Variants in SEH1L observed in about 807,000 individuals in gnomAD.
The protein encoded by SEH1L is SEH1 like nucleoporin.
SEH1L carries 18 observed loss-of-function variants against 49.5 expected under a neutral mutation model. The observed-to-expected ratio is 0.36, with a 90% CI of 0.25 to 0.54. SEH1L has a LOEUF of 0.54. Among genes scored for constraint, SEH1L ranks in the 20% least tolerant of loss-of-function variants. The pLI, the probability that SEH1L is intolerant of heterozygous loss-of-function variation, is 0.87. For missense variants in SEH1L, 404 were observed against 528.8 expected, an observed-to-expected ratio of 0.76 and a Z score of 2.31; for synonymous variants, 169 against 178.1, an observed-to-expected ratio of 0.95 and a Z score of 0.41.
At chr18:12,966,059 TC>T (rs1339791058) in intron 4 of SEH1L, among the ~76,000 whole-genome samples, 1 of 151,404 alleles carries the variant, frequency 6.6e-6, no homozygotes, top group Non-Finnish European at 1.5e-5. Context: ...ATCTTACTTA[TC>T]ACTTACCATT....
intron 4 of SEH1L, among the ~76,000 whole-genome samples, chr18:12,969,569 T>G (rs2031606071): frequency 2.0e-5 from 3 of 151,686 alleles, no homozygotes; most frequent in South Asian, 4.2e-4. Context: ...GTGCCTGTAA[T>G]CCCAGCCACT....
At chr18:12,980,414 G>A (rs1345330845) in intron 6 of SEH1L, among the ~76,000 whole-genome samples, 1 of 85,452 alleles carries the variant, frequency 1.2e-5, no homozygotes, top group Non-Finnish European at 2.3e-5. Context: ...CTGGCCGGGC[G>A]GGGGGCTGAC....
intron 6 of SEH1L, among the ~76,000 whole-genome samples, chr18:12,981,152 C>G (rs530946920): frequency 6.6e-6 from 1 of 151,826 alleles, no homozygotes; most frequent in Non-Finnish European, 1.5e-5. Flanking sequence ...GATGGGCGGC[C>G]GGGCAGAGAC....
At chr18:12,977,552 C>T (rs1364032680) in intron 5 of SEH1L, 1 of 152,138 alleles carries the variant, frequency 6.6e-6, no homozygotes, top group Non-Finnish European at 1.5e-5. Flanking sequence ...TGGTGAAACC[C>T]TGTCTCTACT....
chr18:12,973,429 A>G (rs2031785401), intron 5 of SEH1L: 2 of 151,750 alleles, frequency 1.3e-5, no homozygotes, highest in Admixed American at 6.6e-5. Context: ...CCTCCTGAAT[A>G]GCTGGGATTA....
At chr18:12,986,405 T>C (rs900461866) in intron 8 of SEH1L, 142 of 985,542 alleles carry the variant, frequency 1.4e-4, no homozygotes, top group Non-Finnish European at 1.7e-4. Context: ...AGCCATACTA[T>C]GTGTATTCCC....
intron 6 of SEH1L, 73 bp from the exon 7 acceptor site, chr18:12,982,445 A>G: frequency 3.7e-6 from 4 of 1,071,026 alleles, no homozygotes; most frequent in South Asian, 1.6e-5. Flanking sequence ...GTGTGTATAT[A>G]TATATGTGTG....
At chr18:12,981,022 G>C (rs1437954905) in intron 6 of SEH1L, among the ~76,000 whole-genome samples, 1 of 150,448 alleles carries the variant, frequency 6.6e-6, no homozygotes, top group African/African-American at 2.4e-5. Flanking sequence ...TCACTTCTCA[G>C]ACGGTGTGGC....
At chr18:12,977,915 G>A (rs62095800) in intron 5 of SEH1L, 7,941 of 152,122 alleles carry the variant, frequency 0.052, 311 homozygotes, top group East Asian at 0.17. Flanking sequence ...TGCAACCTCC[G>A]CCTCCTGGGC....
intron 6 of SEH1L, among the ~76,000 whole-genome samples, chr18:12,980,691 G>A (rs1433074593): frequency 7.8e-6 from 1 of 127,458 alleles, no homozygotes; most frequent in Non-Finnish European, 1.7e-5. Flanking sequence ...GCAGGGCGGG[G>A]GGCTGACACC....
chr18:12,963,127 A>G (rs775973024), intron 3 of SEH1L, 33 bp from the exon 4 acceptor site: 1 of 1,484,438 alleles, frequency 6.7e-7, no homozygotes, highest in Non-Finnish European at 9.2e-7. Context: ...TTCTTTTTGT[A>G]TATAATTTAA....
chr18:12,978,971 G>T (rs1023906791), intron 6 of SEH1L, 79 bp downstream of exon 6: 5 of 1,324,254 alleles, frequency 3.8e-6, no homozygotes, highest in African/African-American at 2.9e-5. Flanking sequence ...GAGAGTAGAG[G>T]TAACTATGAT....
chr18:12,971,908 G>GA (rs1444153150), intron 5 of SEH1L: 1 of 152,276 alleles, frequency 6.6e-6, no homozygotes, highest in East Asian at 1.9e-4. Flanking sequence ...GAGCAAGAGA[G>GA]AGGGAGTATA....
rs536849817 is a variant in SEH1L, at chr18:12,952,477, C to T, written c.162+572C>T. 1.2e-4 allele frequency among the ~76,000 whole-genome samples: 18 copies of T among 152,158 alleles called. No homozygotes were observed. In the Middle Eastern group the frequency reaches 0.01, roughly 86 times the overall value. On this transcript the variant is annotated intron_variant, in intron 2 of 8. Transcript: ENST00000399892. The stretch of plus-strand genomic sequence containing the variant: ...CAAACTCCTGACCTCAGGTGATCCT[C>T]CCTCGGCCTCCCAAAGTGCTGGGTT...
intron 7 of SEH1L, chr18:12,982,966 C>T (rs1451152733): frequency 1.0e-5 from 2 of 198,354 alleles, no homozygotes; most frequent in East Asian, 2.6e-4. Flanking sequence ...CCTTACATGA[C>T]TGCTCTACAA....
chr18:12,981,802 G>T, intron 6 of SEH1L, among the ~76,000 whole-genome samples: 1 of 136,908 alleles, frequency 7.3e-6, no homozygotes, highest in Non-Finnish European at 1.6e-5. Flanking sequence ...GTGAATTTCA[G>T]TTCTTTTCTT....
intron 3 of SEH1L, among the ~76,000 whole-genome samples, chr18:12,962,220 A>AC (rs77406625): frequency 5.3e-5 from 8 of 150,296 alleles, no homozygotes; most frequent in Admixed American, 1.3e-4. Flanking sequence ...ACATAGTGAG[A>AC]CCCCCCCATC....
At position 12,987,161 on chromosome 18, in the gene SEH1L, A is replaced by G. The variant is rs970943338; in HGVS notation, c.*104A>G. The G allele has an allele frequency of 1.2e-6, 1 of 849,186 alleles. No homozygotes were observed. The highest frequency in any genetic ancestry group is 2.6e-5 in the Admixed American group (1 of 38,000). 52.6% of individuals were successfully genotyped at this position (849,186 alleles called of 1,614,324 possible). A position where few individuals can be genotyped will look rare whatever the true frequency, so the allele number is the denominator to read the frequency against. On this transcript the variant is annotated 3_prime_UTR_variant, in exon 9 of 9. Transcript: ENST00000399892. ...TTCTTTCAGAAGATTTTTCTAACTT[A>G]GGGTCTGTCTTGCATGTATTACAAC...
intron 3 of SEH1L, among the ~76,000 whole-genome samples, chr18:12,960,018 A>G (rs192012643): frequency 1.3e-5 from 2 of 152,302 alleles, no homozygotes; most frequent in Admixed American, 1.3e-4. Context: ...GACTAGATCT[A>G]GTAAGGGAGG....
Sources: allele counts gnomAD v4.1 joint callset (sites outside exome capture counted in the v4.1 genomes callset), GRCh38; gene constraint gnomAD v4.1.1; transcripts MANE v1.5; gene names NCBI Gene and HGNC (gene_info 2026-07-23, HGNC 2026-07-21).